Variants in MIGA2 observed in about 807,000 individuals in gnomAD.
The protein encoded by MIGA2 is mitoguardin 2.
In MIGA2, 36 loss-of-function variants were observed where a neutral mutation model predicts 69.9. That is an observed-to-expected ratio of 0.52 (90% CI 0.39 to 0.68). The LOEUF (loss-of-function observed/expected upper bound fraction) is 0.68. Ranked by LOEUF, MIGA2 falls within the 30% of genes least tolerant of loss-of-function variation. The pLI is 0.00. For missense variants in MIGA2, 660 were observed against 787.7 expected (o/e 0.84, Z 1.94); for synonymous variants, 333 against 349.2 (o/e 0.95, Z 0.52).
chr9:129,070,752 G>A lies in MIGA2; in HGVS notation c.*299G>A, dbSNP rs931874502. On this transcript the variant is annotated 3_prime_UTR_variant, in exon 16 of 16. Transcript: ENST00000684074. ...GTGGGGGACCCCAAAACCTCCCATC[G>A]CTCCAGGGCTGCTGACAAGGGTGCT... 23 of 435,862 alleles carry A rather than the reference G, an allele frequency of 5.3e-5. No individual in the cohort carries two copies. The highest frequency in any genetic ancestry group is 8.3e-5 in the Non-Finnish European group (20 of 240,166). 27.0% of individuals were successfully genotyped at this position (435,862 alleles called of 1,614,324 possible).
chr9:129,042,173 G>C (rs1225053790), intron 2 of MIGA2, 131 bp from the exon 3 acceptor site: 3 of 845,814 alleles, frequency 3.5e-6, no homozygotes, highest in East Asian at 2.7e-5. Context: ...CTGCCTCTCA[G>C]TCTCTCATCT....
Position 129,062,056 on chromosome 9 carries a change from T to G in MIGA2, c.1010+710T>G, listed in dbSNP as rs1457684611. ...GAACTTGACTTTTTTTTTTTTTTTT[T>G]GTATTTTTAGTAGAGATGGGGTTTC... is the stretch of plus-strand genomic sequence containing the variant. On this transcript the variant is annotated intron_variant, in intron 9 of 15. Transcript: ENST00000684074. 8.9e-5 allele frequency among the ~76,000 whole-genome samples: 13 copies of G among 146,078 alleles called. No individual in the cohort carries two copies. The East Asian group carries it at 2.6e-3, about 30-fold the overall frequency.
At chr9:129,041,754 T>C (rs1844917303) in intron 2 of MIGA2, among the ~76,000 whole-genome samples, 1 of 152,052 alleles carries the variant, frequency 6.6e-6, no homozygotes, top group Admixed American at 6.6e-5. Context: ...TGGGGTACAG[T>C]CCCATCTGAG....
chr9:129,060,710 C>T lies in MIGA2; in HGVS notation c.894+60C>T. On this transcript the variant is annotated intron_variant, in intron 8 of 15. Transcript: ENST00000684074. This position sits in a 1 kb window ranked among gnomAD's most constrained non-coding sequence, Gnocchi z 4.8. ...TGAAGGCTGGGCCTCCTCTGCAGGT[C>T]CATGGGGCCAGCACTGGGTCATGGG... 7.3e-7 allele frequency: 1 copy of T among 1,378,486 alleles called. No homozygotes were observed. Among genetic ancestry groups the T allele is most frequent in the Middle Eastern group, 2.0e-4 (1 of 4,918 alleles). The allele number at this position is 1,378,486 out of a possible 1,614,324, so 85.4% of individuals were successfully genotyped here. A position where few individuals can be genotyped will look rare whatever the true frequency, so the allele number is the denominator to read the frequency against.
At chr9:129,047,793 G>A (rs909884113) in intron 3 of MIGA2, among the ~76,000 whole-genome samples, 15 of 151,962 alleles carry the variant, frequency 9.9e-5, no homozygotes, top group Non-Finnish European at 1.0e-4. Flanking sequence ...GAAGTATTGC[G>A]ATCATGGCTT....
At chr9:129,053,587 T>C (rs1001862637) in intron 6 of MIGA2, among the ~76,000 whole-genome samples, 12 of 152,020 alleles carry the variant, frequency 7.9e-5, no homozygotes, top group Non-Finnish European at 1.8e-4. Context: ...GGCTGGTTTC[T>C]ATCTCCTGAC....
rs1475247861 is a variant in MIGA2, at chr9:129,060,666, G to T, written c.894+16G>T. ...CGCCACCGAGGTGACTCGGGGTGGG[G>T]ACCAAGCCTGGGGTGGGGTGAAGGC... On this transcript the variant is annotated intron_variant, in intron 8 of 15. Coordinates refer to ENST00000684074, the MANE Select transcript of MIGA2 (RefSeq NM_001329990.2). This position sits in a 1 kb window ranked among gnomAD's most constrained non-coding sequence, Gnocchi z 4.8. The T allele has an allele frequency of 6.4e-7, 1 of 1,563,534 alleles. No homozygotes were observed. The highest frequency in any genetic ancestry group is 2.4e-5 in the East Asian group (1 of 42,274).
rs1379762096 is a variant in MIGA2 at position 129,061,009 on chromosome 9, C to A, written c.895-222C>A. On this transcript the variant is annotated intron_variant, in intron 8 of 15. Coordinates refer to ENST00000684074, the MANE Select transcript of MIGA2 (RefSeq NM_001329990.2). The surrounding 1 kb of genome is among the most constrained non-coding windows in gnomAD (Gnocchi z 5.0). ...ACATGCACATGTGTCCTTTAGATGG[C>A]CTTTTTGGGAGGGACCCCTGGAGAT... Among the ~76,000 whole-genome samples, 1 of 152,178 alleles carries A rather than the reference C, an allele frequency of 6.6e-6. No homozygotes were observed. The highest frequency in any genetic ancestry group is 1.5e-5 in the Non-Finnish European group (1 of 68,024).
chr9:129,051,094 G>A (rs1845504914), intron 6 of MIGA2, among the ~76,000 whole-genome samples: 1 of 151,524 alleles, frequency 6.6e-6, no homozygotes, highest in South Asian at 2.1e-4. Context: ...GGCTGGTCTC[G>A]AACTCCTGAC....
Position 129,061,828 on chromosome 9 carries a change from C to A in MIGA2, c.1010+482C>A, listed in dbSNP as rs1846081541. On this transcript the variant is annotated intron_variant, in intron 9 of 15. Transcript: ENST00000684074. This position sits in a 1 kb window ranked among gnomAD's most constrained non-coding sequence, Gnocchi z 5.0. ...GACACAGCTCCTCTGTAGGAGAGGT[C>A]AGGTACCCAGGCTGTGGGGACAGAC... Among the ~76,000 whole-genome samples the A allele has an allele frequency of 6.6e-6, 1 of 152,178 alleles. No individual in the cohort carries two copies. The highest frequency in any genetic ancestry group is 2.4e-5 in the African/African-American group (1 of 41,452).
At chr9:129,052,229 G>A (rs753118800) in intron 6 of MIGA2, among the ~76,000 whole-genome samples, 11 of 151,920 alleles carry the variant, frequency 7.2e-5, no homozygotes, top group Admixed American at 7.2e-4. Context: ...GGGTTCAAGC[G>A]ATTCTGTCTC....
intron 3 of MIGA2, among the ~76,000 whole-genome samples, chr9:129,045,908 C>T (rs896327503): frequency 6.7e-6 from 1 of 149,598 alleles, no homozygotes; most frequent in Non-Finnish European, 1.5e-5. Flanking sequence ...GGCTGGAGTG[C>T]AGTGGTGCCA....
intron 6 of MIGA2, among the ~76,000 whole-genome samples, chr9:129,056,597 C>T (rs1286204540): frequency 6.6e-6 from 1 of 151,740 alleles, no homozygotes; most frequent in Non-Finnish European, 1.5e-5. Context: ...CGGCTCACTG[C>T]TACCTCCACT....
chr9:129,045,441 CAAAAAAAA>C (rs766649271), intron 3 of MIGA2, among the ~76,000 whole-genome samples: 40 of 20,056 alleles, frequency 2.0e-3, no homozygotes, highest in Admixed American at 6.1e-3. Context: ...GACTCTGTCT[CAAAAAAAA>C]AAAAAAAAAA....
chr9:129,068,711 C>T lies in MIGA2; in HGVS notation c.1405-365C>T. On this transcript the variant is annotated intron_variant, in intron 13 of 15. Transcript: ENST00000684074. The surrounding 1 kb of genome is among the most constrained non-coding windows in gnomAD (Gnocchi z 4.1). ...AGCACAGGACCCCCAGGAAGGCAAGCAGTAACGCTCCAGCAGCCGGGCTGT... is the reference window on the plus strand; with the variant it reads ...AGCACAGGACCCCCAGGAAGGCAAGTAGTAACGCTCCAGCAGCCGGGCTGT... 1 of 410,854 alleles carries T rather than the reference C, an allele frequency of 2.4e-6. No individual in the cohort carries two copies. Among genetic ancestry groups the T allele is most frequent in the Admixed American group, 4.0e-5 (1 of 25,270 alleles). The allele number at this position is 410,854 out of a possible 1,614,324, so 25.5% of individuals were successfully genotyped here. A position where few individuals can be genotyped will look rare whatever the true frequency, so the allele number is the denominator to read the frequency against.
chr9:129,071,558 C>G lies in MIGA2; in HGVS notation c.*1105C>G, dbSNP rs1846680877. 6.6e-6 allele frequency: 1 copy of G among 152,218 alleles called. No homozygotes were observed. The highest frequency in any genetic ancestry group is 1.5e-5 in the Non-Finnish European group (1 of 68,076). 9.4% of individuals were successfully genotyped at this position (152,218 alleles called of 1,614,324 possible). On this transcript the variant is annotated 3_prime_UTR_variant, in exon 16 of 16. Transcript: ENST00000684074. ...CAGGTTGAGAGGCCTGCAGGAGAAA[C>G]ACACTCCCCTCCTGGGTTTCCACAC...
At chr9:129,046,630 A>G (rs1310011069) in intron 3 of MIGA2, among the ~76,000 whole-genome samples, 3 of 152,018 alleles carry the variant, frequency 2.0e-5, no homozygotes, top group African/African-American at 7.2e-5. Context: ...TGTTTTTACT[A>G]GAGACAGGGT....
chr9:129,040,368 C>A, intron 1 of MIGA2, 84 bp from the exon 2 acceptor site: 1 of 1,007,634 alleles, frequency 9.9e-7, no homozygotes, highest in East Asian at 3.6e-5. Context: ...CCTGCCTCCT[C>A]CCCCATGGAC....
intron 6 of MIGA2, among the ~76,000 whole-genome samples, chr9:129,055,122 G>C (rs1167435849): frequency 6.7e-6 from 1 of 149,182 alleles, no homozygotes; most frequent in Non-Finnish European, 1.5e-5. Flanking sequence ...CTGTCGCCCA[G>C]GCTGGAGTTC....
Sources: allele counts gnomAD v4.1 joint callset (sites outside exome capture counted in the v4.1 genomes callset), GRCh38; gene constraint gnomAD v4.1.1; non-coding constraint Gnocchi (gnomAD v3.1); transcripts MANE v1.5; gene names NCBI Gene and HGNC (gene_info 2026-07-23, HGNC 2026-07-21).